Variants in NF1 observed in about 807,000 individuals in gnomAD.
NF1 encodes the protein neurofibromin 1.
Under a neutral mutation model 325.7 loss-of-function variants are expected in NF1, and 122 were observed. That is an observed-to-expected ratio of 0.37 (90% CI 0.32 to 0.44). The LOEUF is 0.44. Ranked by LOEUF, NF1 falls within the 20% of genes least tolerant of loss-of-function variation. The pLI, the probability that NF1 is intolerant of heterozygous loss-of-function variation, is 1.00. For missense variants in NF1, 2,140 were observed against 3,415.4 expected (o/e 0.63, Z 9.31); for synonymous variants, 1,091 against 1,186.0 (o/e 0.92, Z 1.65).
At chr17:31,318,671 T>A (rs747449562) in intron 36 of NF1, 54 of 1,614,036 alleles carry the variant, frequency 3.3e-5, no homozygotes, top group Non-Finnish European at 4.1e-5. Context: ...CCATGACTTT[T>A]GCTTGTGTTT....
intron 56 of NF1, chr17:31,359,258 A>G (rs1160463705): frequency 1.2e-5 from 6 of 500,966 alleles, no homozygotes; most frequent in Middle Eastern, 5.5e-4. Flanking sequence ...TCAGAAGAGT[A>G]TGATAAACCT....
chr17:31,183,424 T>A (rs1422350835), intron 8 of NF1: 1 of 152,292 alleles, frequency 6.6e-6, no homozygotes, highest in Non-Finnish European at 1.5e-5. Flanking sequence ...GTAGAAGTAT[T>A]GGACCGGGAA....
intron 10 of NF1, 90 bp downstream of exon 10, chr17:31,201,249 T>A (rs1172771964): frequency 5.2e-6 from 8 of 1,553,374 alleles, no homozygotes; most frequent in Middle Eastern, 1.9e-4. Flanking sequence ...GGTTCACTTT[T>A]ATCGGTATTT....
intron 1 of NF1, among the ~76,000 whole-genome samples, chr17:31,143,982 C>G (rs186037453): frequency 4.6e-5 from 7 of 152,102 alleles, no homozygotes; most frequent in African/African-American, 1.7e-4. Context: ...CCACGACGCC[C>G]AGCTAATTTT....
chr17:31,223,373 T>G, intron 15 of NF1, 71 bp from the exon 16 acceptor site: 1 of 1,563,250 alleles, frequency 6.4e-7, no homozygotes, highest in Non-Finnish European at 8.8e-7. Flanking sequence ...GAGAATGCCA[T>G]TCTTATGTCT....
chr17:31,138,219 A>G (rs1048802841), intron 1 of NF1: 1 of 151,024 alleles, frequency 6.6e-6, no homozygotes, highest in Non-Finnish European at 1.5e-5. Context: ...CTTTTTTTGT[A>G]GAAAATATCT....
intron 35 of NF1, among the ~76,000 whole-genome samples, chr17:31,263,599 G>A (rs7406870): frequency 0.76 from 113,954 of 150,896 alleles, 43,985 homozygotes; most frequent in African/African-American, 0.92. Context: ...CCTTTTTTCT[G>A]AGATCCTACC....
chr17:31,213,353 G>C (rs2905874), intron 12 of NF1, among the ~76,000 whole-genome samples: 127,824 of 152,186 alleles, frequency 0.84, 54,334 homozygotes, highest in African/African-American at 0.95. Context: ...ATTCTTCCCC[G>C]CAAGGACTAA....
rs781284066 is a variant in NF1 at position 31,337,834 on chromosome 17, A to G, written c.6658A>G (p.Ile2220Val). 6.2e-7 allele frequency: 1 copy of G among 1,614,010 alleles called. No homozygotes were observed. The highest frequency in any genetic ancestry group is 8.5e-7 in the Non-Finnish European group (1 of 1,179,892). Residue 2220 changes from isoleucine to valine, a missense_variant, in exon 44 of 58, where the codon ATT becomes GTT. Around this residue, in one of 10 missense-constraint regions of NF1, gnomAD observed 522 missense variants for 749.0 expected, o/e 0.70. Transcript: ENST00000358273. Reference sequence around the variant, plus strand: ...CCTTTTTTAGGCATGCATGAGAGATATTCCAACGTGCAAGTGGCTGGACCA... The same window carrying G: ...CCTTTTTTAGGCATGCATGAGAGATGTTCCAACGTGCAAGTGGCTGGACCA... ...LEIMEACMRD[I>V]PTCKWLDQWT...
intron 1 of NF1, among the ~76,000 whole-genome samples, chr17:31,116,814 C>T (rs966070569): frequency 3.4e-5 from 5 of 146,022 alleles, no homozygotes; most frequent in Non-Finnish European, 7.6e-5. Flanking sequence ...ACTACAGGTG[C>T]CCGCCCCCAT....
At chr17:31,153,499 T>C (rs1917090437) in intron 1 of NF1, among the ~76,000 whole-genome samples, 1 of 152,246 alleles carries the variant, frequency 6.6e-6, no homozygotes, top group African/African-American at 2.4e-5. Context: ...CTAATATTCC[T>C]AAATTGGGCT....
intron 16 of NF1, 125 bp downstream of exon 16, chr17:31,223,692 A>G: frequency 1.1e-6 from 1 of 906,162 alleles, no homozygotes; most frequent in South Asian, 1.5e-5. Context: ...AATGTTCTCA[A>G]AAGGAAATAT....
At position 31,169,883 on chromosome 17, in the gene NF1, C is replaced by CT. The variant is rs2143706767; in HGVS notation, c.480-3dup. On this transcript the variant is annotated splice_region_variant and splice_polypyrimidine_tract_variant and intron_variant, in intron 4 of 57. Coordinates refer to ENST00000358273, the MANE Select transcript of NF1 (RefSeq NM_001042492.3). Reference sequence around the variant, plus strand: ...TTTGATAAGTTAATTTTGGTTTTTACTTTTTAGGTTACAGGAATTAACTGT... The same window carrying CT: ...TTTGATAAGTTAATTTTGGTTTTTACTTTTTTAGGTTACAGGAATTAACTGT... The CT allele has an allele frequency of 6.4e-7, 1 of 1,569,300 alleles. No homozygotes were observed. Among genetic ancestry groups the CT allele is most frequent in the Non-Finnish European group, 8.7e-7 (1 of 1,148,336 alleles).
At chr17:31,341,288 G>A (rs1017163053) in intron 47 of NF1, among the ~76,000 whole-genome samples, 2 of 152,056 alleles carry the variant, frequency 1.3e-5, no homozygotes, top group African/African-American at 4.8e-5. Flanking sequence ...ACTTTGGGAG[G>A]CCAAGACAGG....
chr17:31,320,434 A>G (rs1297495022), intron 36 of NF1: 1 of 1,610,918 alleles, frequency 6.2e-7, no homozygotes, highest in Admixed American at 1.7e-5. Context: ...AGCAACATGG[A>G]TGCCACTGCT....
chr17:31,334,795 A>ATT lies in NF1; in HGVS notation c.5813-40_5813-39dup, dbSNP rs886038397. 6.9e-7 allele frequency: 1 copy of ATT among 1,458,786 alleles called. No homozygotes were observed. 90.4% of individuals were successfully genotyped at this position (1,458,786 alleles called of 1,614,324 possible). A position where few individuals can be genotyped will look rare whatever the true frequency, so the allele number is the denominator to read the frequency against. On this transcript the variant is annotated intron_variant, in intron 39 of 57. Transcript: ENST00000358273. ...TTTATGTTAAATAATTGTTGATGTG[A>ATT]TTTTCATTGACCATCACATGCTAAT... is the stretch of plus-strand genomic sequence containing the variant.
chr17:31,183,615 T>C (rs751984951), intron 8 of NF1: 7 of 152,234 alleles, frequency 4.6e-5, no homozygotes, highest in Non-Finnish European at 1.0e-4. Flanking sequence ...GTCAACTTGA[T>C]TGGATTGAAG....
chr17:31,195,943 A>G (rs1157800148), intron 8 of NF1, among the ~76,000 whole-genome samples: 1 of 152,120 alleles, frequency 6.6e-6, no homozygotes, highest in East Asian at 1.9e-4. Context: ...TTCTGAATAT[A>G]TATCCAGAAG....
rs745611945 is a variant in NF1 at position 31,163,193 on chromosome 17, A to G, written c.296A>G (p.Lys99Arg). 4.3e-6 allele frequency: 7 copies of G among 1,614,094 alleles called. No homozygotes were observed. In the South Asian group the frequency reaches 7.7e-5, roughly 18 times the overall value. ...TGATTATTTCTATTTTAGCAACCAA[A>G]GGACACAATGAGATTAGATGAAACG... ...TLEKCLAGQP[K>R]DTMRLDETML... The change falls in exon 4 of 58, where the codon AAG becomes AGG. Residue 99 changes from lysine to arginine, a missense_variant. Transcript: ENST00000358273.
Sources: allele counts gnomAD v4.1 joint callset (sites outside exome capture counted in the v4.1 genomes callset), GRCh38; gene constraint gnomAD v4.1.1; regional missense constraint gnomAD v4.1.1; transcripts MANE v1.5; gene names NCBI Gene and HGNC (gene_info 2026-07-23, HGNC 2026-07-21).